Variants in IFT57 observed in about 807,000 individuals in gnomAD.
IFT57 encodes intraflagellar transport protein 57 homolog.
Under a neutral mutation model 56.8 loss-of-function variants are expected in IFT57, and 59 were observed. The observed-to-expected ratio is 1.04, with a 90% CI of 0.84 to 1.29. IFT57 has a LOEUF of 1.29. Ranked by LOEUF, IFT57 falls within the 50% of genes most tolerant of loss-of-function variation. The probability of loss-of-function intolerance (pLI) is 0.00; values close to 1 mark genes in which losing one functional copy is unlikely to be tolerated. For synonymous variants in IFT57, 209 were observed against 186.1 expected (o/e 1.12, Z -1.00); for missense variants, 470 against 522.1 (o/e 0.90, Z 0.97).
chr3:108,165,069 A>G (rs2080053914), intron 9 of IFT57, among the ~76,000 whole-genome samples: 1 of 152,144 alleles, frequency 6.6e-6, no homozygotes, highest in Non-Finnish European at 1.5e-5. Context: ...ACTAAAAATA[A>G]ACCTTATATC....
chr3:108,222,414 G>A lies in IFT57; in HGVS notation c.-92C>T, dbSNP rs1576054850. The stretch of plus-strand genomic sequence containing the variant: ...TGCCGCCGCCAGTACAGCCACGACC[G>A]GTTACCAGGCGACCACCGGACAATC... On this transcript the variant is annotated 5_prime_UTR_variant, in exon 1 of 11. Transcript: ENST00000264538. 3.0e-6 allele frequency: 3 copies of A among 1,007,682 alleles called. No homozygotes were observed. Among genetic ancestry groups the A allele is most frequent in the East Asian group, 5.9e-5 (2 of 34,008 alleles). 62.4% of individuals were successfully genotyped at this position (1,007,682 alleles called of 1,614,324 possible).
chr3:108,174,474 T>G lies in IFT57; in HGVS notation c.778-6610A>C, dbSNP rs767656479. Among the ~76,000 whole-genome samples the G allele has an allele frequency of 1.6e-5, 2 of 128,406 alleles. 1 individual carries two copies. Among genetic ancestry groups the G allele is most frequent in the Non-Finnish European group, 3.6e-5 (2 of 55,586 alleles). The allele number at this position is 128,406 out of a possible 152,430, so 84.2% of individuals were successfully genotyped here. ...TTACATTAGTAGAGAATCCATTAGA[T>G]TACAATGCACTTTTATATGACTTCC... On this transcript the variant is annotated intron_variant, in intron 6 of 10. Coordinates refer to ENST00000264538, the MANE Select transcript of IFT57 (RefSeq NM_018010.4).
At chr3:108,172,471 G>T (rs1041351984) in intron 6 of IFT57, among the ~76,000 whole-genome samples, 2 of 151,888 alleles carry the variant, frequency 1.3e-5, no homozygotes, top group Admixed American at 1.3e-4. Flanking sequence ...CAGTTTTAAA[G>T]ATAAGTGTAT....
intron 6 of IFT57, among the ~76,000 whole-genome samples, chr3:108,185,591 G>A (rs9850721): frequency 0.11 from 13,596 of 120,562 alleles, 720 homozygotes; most frequent in Middle Eastern, 0.19. Flanking sequence ...ATGGAGTTTC[G>A]CTCGTTGCCC....
chr3:108,201,590 G>A (rs976912603), intron 5 of IFT57, among the ~76,000 whole-genome samples: 2 of 152,100 alleles, frequency 1.3e-5, no homozygotes, highest in Non-Finnish European at 2.9e-5. Context: ...ACACAGATAG[G>A]AGGCCTAACA....
At position 108,161,508 on chromosome 3, in the gene IFT57, A is replaced by C. The variant is rs961460062; in HGVS notation, c.*969T>G. On this transcript the variant is annotated 3_prime_UTR_variant, in exon 11 of 11. Coordinates refer to ENST00000264538, the MANE Select transcript of IFT57 (RefSeq NM_018010.4). The stretch of plus-strand genomic sequence containing the variant: ...CCTAAACATAAAGCATTCTTATCAA[A>C]TTTTCTACCACTGCTTTTGAAAATT... 1.4e-5 allele frequency: 2 copies of C among 144,432 alleles called. No individual in the cohort carries two copies. The allele number at this position is 144,432 out of a possible 1,614,324, so 8.9% of individuals were successfully genotyped here. A position where few individuals can be genotyped will look rare whatever the true frequency, so the allele number is the denominator to read the frequency against.
chr3:108,213,902 A>T, intron 4 of IFT57, 29 bp downstream of exon 4: 1 of 1,367,440 alleles, frequency 7.3e-7, no homozygotes, highest in Non-Finnish European at 1.0e-6. Flanking sequence ...AAAGGTGAAA[A>T]TGAACAGAAA....
intron 6 of IFT57, among the ~76,000 whole-genome samples, chr3:108,184,381 T>C (rs1051573739): frequency 6.6e-6 from 1 of 152,072 alleles, no homozygotes; most frequent in Non-Finnish European, 1.5e-5. Flanking sequence ...TTCTAGAGAT[T>C]TGCAACAATT....
intron 3 of IFT57, among the ~76,000 whole-genome samples, chr3:108,215,746 G>A (rs898590523): frequency 4.6e-5 from 7 of 151,994 alleles, no homozygotes; most frequent in African/African-American, 9.7e-5. Context: ...TATATGTAAC[G>A]TCTATCTCAT....
rs913317756 is a variant in IFT57, at chr3:108,191,597, G to A, written c.701C>T (p.Thr234Ile). The change falls in exon 6 of 11, where the codon ACA (threonine) becomes ATA (isoleucine). Residue 234 changes from threonine to isoleucine, a missense_variant. Physicochemically the swap from Thr to Ile is moderately conservative, Grantham distance 89 (BLOSUM62 -1). Transcript: ENST00000264538. ...TTCTAGGCTCCATTCTGCAGCATCT[G>A]TTGTGGATTCCAAAATATCTTCTTG... ...AKQEDILEST[T>I]DAAEWSLEVE... is the part of the protein sequence containing the mutation. The A allele has an allele frequency of 1.2e-6, 2 of 1,609,046 alleles. No individual in the cohort carries two copies. Among genetic ancestry groups the A allele is most frequent in the Non-Finnish European group, 1.7e-6 (2 of 1,176,410 alleles).
intron 5 of IFT57, among the ~76,000 whole-genome samples, chr3:108,200,742 C>T (rs1202581255): frequency 2.0e-5 from 3 of 152,068 alleles, no homozygotes; most frequent in Admixed American, 1.3e-4. Flanking sequence ...TAATAATCCA[C>T]GTGACAGATT....
At chr3:108,193,025 T>C (rs1012961782) in intron 5 of IFT57, among the ~76,000 whole-genome samples, 1 of 152,218 alleles carries the variant, frequency 6.6e-6, no homozygotes, top group Non-Finnish European at 1.5e-5. Context: ...ATGTTCATTA[T>C]CTTATTCTAA....
At chr3:108,217,490 T>A (rs2080379100) in intron 3 of IFT57, among the ~76,000 whole-genome samples, 1 of 152,058 alleles carries the variant, frequency 6.6e-6, no homozygotes. Flanking sequence ...TACTAAATAA[T>A]AATGTTTGGA....
chr3:108,169,710 C>T (rs2080082549), intron 6 of IFT57, among the ~76,000 whole-genome samples: 1 of 151,586 alleles, frequency 6.6e-6, no homozygotes, highest in Non-Finnish European at 1.5e-5. Flanking sequence ...ATATGGCTAG[C>T]CAGTTTTATC....
At chr3:108,208,508 T>C (rs2080325403) in intron 4 of IFT57, among the ~76,000 whole-genome samples, 1 of 152,210 alleles carries the variant, frequency 6.6e-6, no homozygotes. Context: ...CTAGAATGAA[T>C]CAGCAACCAA....
Position 108,166,892 on chromosome 3 carries a change from C to A in IFT57, c.943G>T (p.Val315Phe), listed in dbSNP as rs750698644. ...GCTTGAGCTGCACGATATTCTTGAA[C>A]CAAATTCTCAAGCTGATTGTTGATG... ...KYINNQLENL[V>F]QEYRAAQAQL... Residue 315 changes from valine (V) to phenylalanine (F), a missense_variant, in exon 8 of 11, where the codon GTT becomes TTT. Coordinates refer to ENST00000264538, the MANE Select transcript of IFT57 (RefSeq NM_018010.4). 2.5e-6 allele frequency: 4 copies of A among 1,611,620 alleles called. No individual in the cohort carries two copies. In the South Asian group the frequency reaches 4.4e-5, roughly 18 times the overall value.
intron 6 of IFT57, among the ~76,000 whole-genome samples, chr3:108,183,470 A>G (rs143052907): frequency 3.9e-4 from 59 of 152,260 alleles, no homozygotes; most frequent in African/African-American, 1.3e-3. Flanking sequence ...TGTAGGACCA[A>G]CCAGACCAAG....
chr3:108,191,568 C>A lies in IFT57; in HGVS notation c.730G>T (p.Glu244Ter), dbSNP rs1407056140. The change falls in exon 6 of 11, where the codon GAA (glutamate) becomes TAA (stop). Residue 244 changes from glutamate to a stop codon, truncating the protein, a stop_gained. Coordinates refer to ENST00000264538, the MANE Select transcript of IFT57 (RefSeq NM_018010.4). LOFTEE classifies it high-confidence loss of function. ...TDAAEWSLEV[E>*]RVLPQLKVTI... Reference sequence around the variant, plus strand: ...ACTTTCAGTTGCGGTAGTACACGTTCCACTTCTAGGCTCCATTCTGCAGCA... The same window carrying A: ...ACTTTCAGTTGCGGTAGTACACGTTACACTTCTAGGCTCCATTCTGCAGCA... 2.5e-6 allele frequency: 4 copies of A among 1,609,594 alleles called. No homozygotes were observed. The highest frequency in any genetic ancestry group is 3.4e-6 in the Non-Finnish European group (4 of 1,177,050).
chr3:108,192,351 C>A (rs9832818), intron 5 of IFT57, among the ~76,000 whole-genome samples: 1 of 151,760 alleles, frequency 6.6e-6, no homozygotes, highest in Non-Finnish European at 1.5e-5. Flanking sequence ...TAGCTTAAAG[C>A]GTAATTTAAT....
Sources: allele counts gnomAD v4.1 joint callset (sites outside exome capture counted in the v4.1 genomes callset), GRCh38; gene constraint gnomAD v4.1.1; transcripts MANE v1.5; gene names NCBI Gene and HGNC (gene_info 2026-07-23, HGNC 2026-07-21).